RAMP1: variants seen among roughly 807,000 people sequenced by gnomAD.
RAMP1 encodes receptor activity-modifying protein 1.
A neutral mutation model predicts 8.2 loss-of-function variants in RAMP1; 7 were observed. That is an observed-to-expected ratio of 0.85 (90% CI 0.49 to 1.60). RAMP1 has a LOEUF of 1.60. Ranked by LOEUF, RAMP1 falls within the 40% of genes most tolerant of loss-of-function variation. The probability of loss-of-function intolerance (pLI) is 0.00; values close to 1 mark genes in which losing one functional copy is unlikely to be tolerated. For synonymous variants in RAMP1, 92 were observed against 84.7 expected, an observed-to-expected ratio of 1.09 and a Z score of -0.47; for missense variants, 192 against 202.4, an observed-to-expected ratio of 0.95 and a Z score of 0.31.
At position 237,865,257 on chromosome 2, in the gene RAMP1, GGAGAA is replaced by G. The variant is rs1339034442; in HGVS notation, c.52+5535_52+5539del. 1.9e-3 allele frequency among the ~76,000 whole-genome samples: 276 copies of G among 146,126 alleles called. 2 individuals carry two copies. Among genetic ancestry groups the G allele is most frequent in the African/African-American group, 6.7e-3 (264 of 39,320 alleles). On this transcript the variant is annotated intron_variant, in intron 1 of 2. Coordinates refer to ENST00000254661, the MANE Select transcript of RAMP1 (RefSeq NM_005855.4). The surrounding 1 kb of genome is among the most constrained non-coding windows in gnomAD (Gnocchi z 4.2). ...GGGGGAGTAGGGAGGGCAGGGCAGG[GGAGAA>G]GAGAGGAGAGGAGGGGAGGGGAGAG...
In RAMP1 at chr2:237,877,491, G is replaced by C. The variant is rs563852512; in HGVS notation, c.191+129G>C. The C allele has an allele frequency of 1.6e-4, 201 of 1,256,068 alleles. No individual in the cohort carries two copies. The highest frequency in any genetic ancestry group is 1.3e-3 in the South Asian group (87 of 65,928). 77.8% of individuals were successfully genotyped at this position (1,256,068 alleles called of 1,614,324 possible). ...CCCCGGAAGGGTTCTTCCCCCAGTG[G>C]GGGGGGCCGGGATGAAGACAGAGGA... On this transcript the variant is annotated intron_variant, in intron 2 of 2. Coordinates refer to ENST00000254661, the MANE Select transcript of RAMP1 (RefSeq NM_005855.4). This position sits in a 1 kb window ranked among gnomAD's most constrained non-coding sequence, Gnocchi z 4.4.
At chr2:237,889,800 A>AT (rs1482589121) in intron 2 of RAMP1, among the ~76,000 whole-genome samples, 3 of 152,042 alleles carry the variant, frequency 2.0e-5, no homozygotes, top group Non-Finnish European at 4.4e-5. Context: ...GCTAATTTTT[A>AT]TTTTTTTGTA....
chr2:237,872,710 G>A (rs73090613), intron 1 of RAMP1, among the ~76,000 whole-genome samples: 31,670 of 152,196 alleles, frequency 0.21, 3,893 homozygotes, highest in African/African-American at 0.33. Context: ...TCCCTGCCAT[G>A]ATGGTTATTT....
chr2:237,907,275 G>T (rs2151023697), intron 2 of RAMP1, among the ~76,000 whole-genome samples: 1 of 152,248 alleles, frequency 6.6e-6, no homozygotes, highest in East Asian at 1.9e-4. Context: ...CTATTTGGTT[G>T]TTTGCTGTTG....
intron 2 of RAMP1, among the ~76,000 whole-genome samples, chr2:237,887,731 G>A (rs2062447902): frequency 6.6e-6 from 1 of 152,168 alleles, no homozygotes; most frequent in South Asian, 2.1e-4. Context: ...TTGAGCCCAG[G>A]AGTTCGAGAC....
At position 237,896,630 on chromosome 2, in the gene RAMP1, T is replaced by C. The variant is rs149197260; in HGVS notation, c.192-14898T>C. ...CACACTCACGCGGGGAAACAGGTCTTAGTATTTTCTTAGACTTTGTTTTGT... is the reference window on the plus strand; with the variant it reads ...CACACTCACGCGGGGAAACAGGTCTCAGTATTTTCTTAGACTTTGTTTTGT... On this transcript the variant is annotated intron_variant, in intron 2 of 2. Transcript: ENST00000254661. Among the ~76,000 whole-genome samples the C allele has an allele frequency of 2.9e-3, 447 of 152,338 alleles. 1 individual carries two copies. Among genetic ancestry groups the C allele is most frequent in the Non-Finnish European group, 5.4e-3 (364 of 68,022 alleles).
At chr2:237,892,941 C>T (rs2062501163) in intron 2 of RAMP1, among the ~76,000 whole-genome samples, 1 of 152,150 alleles carries the variant, frequency 6.6e-6, no homozygotes, top group African/African-American at 2.4e-5. Context: ...TGATAGGGCT[C>T]TTGTTTACTT....
chr2:237,890,896 T>C (rs1390797246), intron 2 of RAMP1, among the ~76,000 whole-genome samples: 1 of 152,230 alleles, frequency 6.6e-6, no homozygotes, highest in African/African-American at 2.4e-5. Flanking sequence ...TTGTAGTCTT[T>C]AGAAAATAGG....
Position 237,868,583 on chromosome 2 carries a change from A to C in RAMP1, c.53-8641A>C, listed in dbSNP as rs1001592721. On this transcript the variant is annotated intron_variant, in intron 1 of 2. Coordinates refer to ENST00000254661, the MANE Select transcript of RAMP1 (RefSeq NM_005855.4). The stretch of plus-strand genomic sequence containing the variant: ...ACTGATTCCCTCCCCCCACCAAAAA[A>C]AAAAAACAAAAAAAAAAAAACAGTT... Among the ~76,000 whole-genome samples the C allele has an allele frequency of 8.7e-5, 10 of 115,486 alleles. No individual in the cohort carries two copies. The South Asian group carries it at 1.5e-3, about 18-fold the overall frequency. The allele number at this position is 115,486 out of a possible 152,430, so 75.8% of individuals were successfully genotyped here.
At chr2:237,868,830 T>A (rs1005271506) in intron 1 of RAMP1, among the ~76,000 whole-genome samples, 1 of 152,176 alleles carries the variant, frequency 6.6e-6, no homozygotes, top group Non-Finnish European at 1.5e-5. Flanking sequence ...AGCAAGTTTT[T>A]ACAAATCTCA....
At position 237,884,737 on chromosome 2, in the gene RAMP1, G is replaced by A. The variant is rs530112508; in HGVS notation, c.191+7375G>A. ...CTTCCATACCAGCTGGGATGCCTCC[G>A]TCCCTCTGCCCTAAAGCTTCCAGGT... On this transcript the variant is annotated intron_variant, in intron 2 of 2. Coordinates refer to ENST00000254661, the MANE Select transcript of RAMP1 (RefSeq NM_005855.4). 9.2e-5 allele frequency among the ~76,000 whole-genome samples: 14 copies of A among 152,302 alleles called. 1 individual carries two copies. Among genetic ancestry groups the A allele is most frequent in the South Asian group, 8.3e-4 (4 of 4,820 alleles).
chr2:237,877,174 CT>C lies in RAMP1; in HGVS notation c.53-49del. The C allele has an allele frequency of 6.2e-7, 1 of 1,610,938 alleles. No individual in the cohort carries two copies. ...GGCGCGCGGGCTGGCGGTGATACCC[CT>C]AGGCCTCTGCTGCCGCCCGCCATCT... On this transcript the variant is annotated intron_variant, in intron 1 of 2. Coordinates refer to ENST00000254661, the MANE Select transcript of RAMP1 (RefSeq NM_005855.4). This position sits in a 1 kb window ranked among gnomAD's most constrained non-coding sequence, Gnocchi z 4.4.
chr2:237,903,723 C>T (rs2062628263), intron 2 of RAMP1, among the ~76,000 whole-genome samples: 1 of 152,092 alleles, frequency 6.6e-6, no homozygotes, highest in Non-Finnish European at 1.5e-5. Flanking sequence ...AAGACAGAGT[C>T]TCGCTCTGTC....
At chr2:237,867,278 G>A (rs1278967567) in intron 1 of RAMP1, among the ~76,000 whole-genome samples, 1 of 152,008 alleles carries the variant, frequency 6.6e-6, no homozygotes, top group Non-Finnish European at 1.5e-5. Context: ...TTAAGTGTAA[G>A]TGGATCATCC....
intron 1 of RAMP1, among the ~76,000 whole-genome samples, chr2:237,876,709 C>G (rs144656448): frequency 6.6e-6 from 1 of 152,132 alleles, no homozygotes; most frequent in Non-Finnish European, 1.5e-5. Context: ...TGATTCTGTG[C>G]GGGGCATCGC....
At position 237,911,626 on chromosome 2, in the gene RAMP1, A is replaced by G. The variant is rs761459651; in HGVS notation, c.290A>G (p.His97Arg). The G allele has an allele frequency of 6.2e-7, 1 of 1,614,078 alleles. No homozygotes were observed. Among genetic ancestry groups the G allele is most frequent in the East Asian group, 2.2e-5 (1 of 44,882 alleles). Residue 97 changes from histidine (H) to arginine (R), a missense_variant, in exon 3 of 3, where the codon CAT becomes CGT. Transcript: ENST00000254661. ...GTGGACAGGTTCTTCCTGGCAGTGC[A>G]TGGCCGCTACTTCAGGAGCTGCCCC... ...AEVDRFFLAVHGRYFRSCPIS... is the reference protein window; with the variant it reads ...AEVDRFFLAVRGRYFRSCPIS...
intron 2 of RAMP1, among the ~76,000 whole-genome samples, chr2:237,909,350 G>A (rs1022766848): frequency 5.5e-5 from 8 of 146,200 alleles, no homozygotes; most frequent in Admixed American, 3.7e-4. Context: ...TCACACACAG[G>A]CCTTGCCGAG....
intron 2 of RAMP1, among the ~76,000 whole-genome samples, chr2:237,899,072 A>ATTTT (rs11431782): frequency 6.7e-6 from 1 of 148,764 alleles, no homozygotes. Context: ...TGAGACAGTG[A>ATTTT]TTTTTTTTTT....
intron 2 of RAMP1, among the ~76,000 whole-genome samples, chr2:237,899,431 CT>C: frequency 6.6e-6 from 1 of 152,276 alleles, no homozygotes; most frequent in East Asian, 1.9e-4. Context: ...AAGGTTGTGG[CT>C]TTTTTAAAAT....
Sources: gnomAD v4.1 joint callset for allele counts (sites outside exome capture counted in the v4.1 genomes callset) on GRCh38, gnomAD v4.1.1 for gene constraint, Gnocchi (gnomAD v3.1) non-coding constraint, MANE v1.5 for transcripts, NCBI Gene and HGNC (gene_info 2026-07-23, HGNC 2026-07-21) for gene names.